Variants in MINDY2 observed in about 807,000 individuals in gnomAD.
The protein encoded by MINDY2 is MINDY lysine 48 deubiquitinase 2, also known as ubiquitin carboxyl-terminal hydrolase MINDY-2.
MINDY2 carries 52 observed loss-of-function variants against 68.2 expected under a neutral mutation model. The observed-to-expected ratio is 0.76, with a 90% CI of 0.61 to 0.96. MINDY2 has a LOEUF of 0.96. Ranked by LOEUF, MINDY2 falls within the 40% of genes least tolerant of loss-of-function variation. The pLI is 0.00. For missense variants in MINDY2, 881 were observed against 773.4 expected (o/e 1.14, Z -1.65); for synonymous variants, 372 against 303.0 (o/e 1.23, Z -2.36).
At chr15:58,819,416 C>G (rs1237304396) in intron 4 of MINDY2, among the ~76,000 whole-genome samples, 2 of 152,168 alleles carry the variant, frequency 1.3e-5, no homozygotes, top group Non-Finnish European at 1.5e-5. Flanking sequence ...CCACTACATT[C>G]CAGCAAGAGT....
chr15:58,787,587 A>G (rs1199504011), intron 1 of MINDY2, among the ~76,000 whole-genome samples: 1 of 151,896 alleles, frequency 6.6e-6, no homozygotes, highest in African/African-American at 2.4e-5. Context: ...ATACAAAACA[A>G]TTAGCCAGGT....
At chr15:58,789,678 A>T (rs1901756182) in intron 2 of MINDY2, among the ~76,000 whole-genome samples, 1 of 149,088 alleles carries the variant, frequency 6.7e-6, no homozygotes, top group East Asian at 2.0e-4. Context: ...ACAGAGTTTC[A>T]CTCTTGTTTC....
intron 6 of MINDY2, among the ~76,000 whole-genome samples, chr15:58,840,511 G>A (rs1345925968): frequency 1.3e-5 from 2 of 151,862 alleles, no homozygotes; most frequent in Non-Finnish European, 2.9e-5. Flanking sequence ...AATAGGAATA[G>A]CCCTAATTTC....
In MINDY2 at chr15:58,841,959, A is replaced by G. The variant is rs188907947; in HGVS notation, c.1369-5338A>G. On this transcript the variant is annotated intron_variant, in intron 6 of 8. Transcript: ENST00000559228. ...TGGATTCCTATCCTTACCTAATTCT[A>G]TATCCTAGATCTAGTTGTTGCATTT... 1.7e-3 allele frequency among the ~76,000 whole-genome samples: 257 copies of G among 152,090 alleles called. 1 individual carries two copies. The highest frequency in any genetic ancestry group is 5.4e-3 in the African/African-American group (226 of 41,504).
intron 6 of MINDY2, among the ~76,000 whole-genome samples, chr15:58,846,045 C>A (rs2032512046): frequency 6.8e-6 from 1 of 147,926 alleles, no homozygotes. Flanking sequence ...TTACCAGAGG[C>A]TGGGATGCAT....
intron 6 of MINDY2, among the ~76,000 whole-genome samples, chr15:58,835,481 C>CATGTT (rs1567069142): frequency 1.5e-4 from 23 of 151,980 alleles, no homozygotes; most frequent in Admixed American, 1.1e-3. Flanking sequence ...GGTGAAACCC[C>CATGTT]GTCTTTACTA....
chr15:58,826,312 C>T (rs2031393101), intron 5 of MINDY2, among the ~76,000 whole-genome samples: 1 of 150,332 alleles, frequency 6.7e-6, no homozygotes, highest in Admixed American at 6.7e-5. Context: ...TTACCACAAC[C>T]TCTGCCTCCC....
intron 5 of MINDY2, among the ~76,000 whole-genome samples, chr15:58,823,068 T>C (rs1391392708): frequency 6.6e-6 from 1 of 152,094 alleles, no homozygotes; most frequent in Admixed American, 6.6e-5. Context: ...TTAACACATT[T>C]TTGCAAAAGA....
intron 5 of MINDY2, among the ~76,000 whole-genome samples, chr15:58,830,869 G>C (rs988482108): frequency 1.3e-5 from 2 of 152,014 alleles, no homozygotes; most frequent in Non-Finnish European, 2.9e-5. Context: ...GGGCCACTCA[G>C]AATTTTCACC....
chr15:58,852,013 G>A (rs2140871581), intron 8 of MINDY2, 48 bp downstream of exon 8: 1 of 1,422,006 alleles, frequency 7.0e-7, no homozygotes, highest in Non-Finnish European at 9.5e-7. Flanking sequence ...ATGGCTGGGT[G>A]TAGTGGCTCA....
intron 3 of MINDY2, 70 bp downstream of exon 3, chr15:58,802,447 CT>C: frequency 1.0e-6 from 1 of 997,834 alleles, no homozygotes; most frequent in Non-Finnish European, 1.5e-6. Flanking sequence ...CTATTAGTAG[CT>C]GGCAGCATTT....
At chr15:58,852,007 CT>C in intron 8 of MINDY2, 42 bp downstream of exon 8, 1 of 1,463,148 alleles carries the variant, frequency 6.8e-7, no homozygotes, top group Non-Finnish European at 9.2e-7. Context: ...ATGATCATGG[CT>C]GGGTGTAGTG....
At chr15:58,827,503 A>G (rs1381173922) in intron 5 of MINDY2, among the ~76,000 whole-genome samples, 1 of 152,064 alleles carries the variant, frequency 6.6e-6, no homozygotes, top group Non-Finnish European at 1.5e-5. Flanking sequence ...TTGTTGTGTC[A>G]TCCAGGCTGG....
At position 58,858,171 on chromosome 15, in the gene MINDY2, G is replaced by C. The variant is rs541067362; in HGVS notation, c.*3561G>C. The C allele has an allele frequency of 5.9e-5, 9 of 152,290 alleles. No individual in the cohort carries two copies. The East Asian group carries it at 1.7e-3, about 29-fold the overall frequency. 9.4% of individuals were successfully genotyped at this position (152,290 alleles called of 1,614,324 possible). A position where few individuals can be genotyped will look rare whatever the true frequency, so the allele number is the denominator to read the frequency against. ...CACTGGTGCAGTGTGCTTAGGTAAA[G>C]TAACTTCTTCCATGTTTCAAGGTCA... On this transcript the variant is annotated 3_prime_UTR_variant, in exon 9 of 9. Transcript: ENST00000559228.
chr15:58,785,831 C>A (rs909266571), intron 1 of MINDY2, among the ~76,000 whole-genome samples: 1 of 152,066 alleles, frequency 6.6e-6, no homozygotes, highest in Middle Eastern at 3.2e-3. Context: ...TGTGCGCCAC[C>A]ACACCTGGCT....
At chr15:58,852,127 A>T (rs2032845523) in intron 8 of MINDY2, among the ~76,000 whole-genome samples, 162 bp downstream of exon 8, 1 of 151,688 alleles carries the variant, frequency 6.6e-6, no homozygotes, top group Admixed American at 6.6e-5. Context: ...TCTCTATTAA[A>T]AATACAAAAT....
intron 2 of MINDY2, chr15:58,796,069 G>C (rs958584453): frequency 2.2e-6 from 1 of 455,538 alleles, no homozygotes; most frequent in Non-Finnish European, 4.4e-6. Context: ...AGATGGAAAT[G>C]GAGTGGTGAG....
intron 5 of MINDY2, among the ~76,000 whole-genome samples, chr15:58,831,026 T>TGG (rs2031682809): frequency 8.7e-6 from 1 of 115,218 alleles, no homozygotes; most frequent in Non-Finnish European, 1.6e-5. Context: ...TGTGTGTGTG[T>TGG]GTGTGTGTGT....
chr15:58,787,260 T>C (rs1010972010), intron 1 of MINDY2, among the ~76,000 whole-genome samples: 5 of 150,662 alleles, frequency 3.3e-5, no homozygotes, highest in African/African-American at 1.2e-4. Context: ...TCCCAAAGTG[T>C]TGGGATTACA....
Sources: gnomAD v4.1 joint callset for allele counts (sites outside exome capture counted in the v4.1 genomes callset) on GRCh38, gnomAD v4.1.1 for gene constraint, MANE v1.5 for transcripts, NCBI Gene and HGNC (gene_info 2026-07-23, HGNC 2026-07-21) for gene names.